AQR: variants seen among roughly 807,000 people sequenced by gnomAD.
The protein encoded by AQR is aquarius intron-binding spliceosomal factor.
Under a neutral mutation model 180.5 loss-of-function variants are expected in AQR, and 61 were observed. The ratio of observed to expected loss-of-function variants is 0.34; its 90% CI spans 0.28 to 0.42. The LOEUF is 0.42. Among genes scored for constraint, AQR ranks in the 10% least tolerant of loss-of-function variants. AQR has a pLI of 1.00. For missense variants in AQR, 1,281 were observed against 1,798.3 expected, an observed-to-expected ratio of 0.71 and a Z score of 5.20; for synonymous variants, 551 against 588.8, an observed-to-expected ratio of 0.94 and a Z score of 0.93.
chr15:34,902,475 G>C (rs1893346249), intron 19 of AQR, among the ~76,000 whole-genome samples: 1 of 152,056 alleles, frequency 6.6e-6, no homozygotes, highest in South Asian at 2.1e-4. Flanking sequence ...TCTTGGATCA[G>C]AAACTAAATG....
chr15:34,907,904 A>G (rs764052400), intron 17 of AQR, among the ~76,000 whole-genome samples: 1 of 152,064 alleles, frequency 6.6e-6, no homozygotes, highest in Non-Finnish European at 1.5e-5. Context: ...AAAACAAACC[A>G]CTTTACTCTG....
chr15:34,946,116 C>G (rs1894108761), intron 5 of AQR, among the ~76,000 whole-genome samples: 1 of 152,008 alleles, frequency 6.6e-6, no homozygotes, highest in Admixed American at 6.5e-5. Context: ...ACTAAAAATA[C>G]AACAATTAGC....
At position 34,920,405 on chromosome 15, in the gene AQR, T is replaced by C; in HGVS notation, c.1148A>G (p.Tyr383Cys). The change falls in exon 14 of 35, where the codon TAC becomes TGC. Residue 383 changes from tyrosine (Y) to cysteine (C), a missense_variant. Physicochemically the swap from Tyr to Cys is radical, Grantham distance 194. This residue lies in a region of AQR where 404 missense variants were observed against 490.9 expected (regional missense o/e 0.82). Transcript: ENST00000156471. ...SSNTLHQVAS[Y>C]LCLLPTLPKN... ...AGGAAGAGTTGGCAACAAGCAGAGG[T>C]ATGATGCCACCTGGTGGAGTGTGTT... The C allele has an allele frequency of 6.2e-7, 1 of 1,613,582 alleles. No homozygotes were observed. Among genetic ancestry groups the C allele is most frequent in the Non-Finnish European group, 8.5e-7 (1 of 1,179,756 alleles).
In AQR at chr15:34,860,114, A is replaced by AT. The variant is rs1250076513; in HGVS notation, c.4070dup (p.Asn1357LysfsTer39). 6.5e-7 allele frequency: 1 copy of AT among 1,528,176 alleles called. No individual in the cohort carries two copies. Among genetic ancestry groups the AT allele is most frequent in the Non-Finnish European group, 8.9e-7 (1 of 1,126,866 alleles). The allele number at this position is 1,528,176 out of a possible 1,614,324, so 94.7% of individuals were successfully genotyped here. A position where few individuals can be genotyped will look rare whatever the true frequency, so the allele number is the denominator to read the frequency against. Reference sequence around the variant, plus strand: ...ATACAAAGTTTGCCATCTGGGGCATATTTTTTATTATTTGTACTTCATGAG... The same window carrying AT: ...ATACAAAGTTTGCCATCTGGGGCATATTTTTTTATTATTTGTACTTCATGAG... On this transcript the variant is annotated frameshift_variant, in exon 34 of 35. Coordinates refer to ENST00000156471, the MANE Select transcript of AQR (RefSeq NM_014691.3). LOFTEE classifies it high-confidence loss of function.
intron 19 of AQR, 148 bp from the exon 20 acceptor site, chr15:34,901,011 C>T (rs1893324738): frequency 2.9e-6 from 3 of 1,023,076 alleles, no homozygotes; most frequent in Non-Finnish European, 4.1e-6. Context: ...AGGTGCTTGG[C>T]TAGACTGAAT....
chr15:34,969,488 G>A, intron 1 of AQR, 51 bp downstream of exon 1: 2 of 1,603,812 alleles, frequency 1.2e-6, no homozygotes, highest in Non-Finnish European at 1.7e-6. Context: ...CCAGGCCTCG[G>A]GGCCACGACG....
chr15:34,967,333 T>C lies in AQR; in HGVS notation c.75+2206A>G, dbSNP rs189831818. ...AGAGAACTTTCCTGACTGTCTTTCA[T>C]ACACCTCAAACCAGTCTGTCACAGC... On this transcript the variant is annotated intron_variant, in intron 1 of 34. Transcript: ENST00000156471. Among the ~76,000 whole-genome samples, 582 of 152,328 alleles carry C rather than the reference T, an allele frequency of 3.8e-3. 3 individuals carry two copies. The highest frequency in any genetic ancestry group is 0.013 in the African/African-American group (555 of 41,560).
At chr15:34,956,696 G>GAAAAAAAAAAAAAAAA (rs565202160) in intron 3 of AQR, among the ~76,000 whole-genome samples, 11 of 83,384 alleles carry the variant, frequency 1.3e-4, no homozygotes, top group Admixed American at 2.9e-4. Flanking sequence ...TAAGAAGTCA[G>GAAAAAAAAAAAAAAAA]AAAAAAAAAA....
chr15:34,957,059 G>T (rs1894330943), intron 3 of AQR, among the ~76,000 whole-genome samples: 1 of 152,204 alleles, frequency 6.6e-6, no homozygotes, highest in South Asian at 2.1e-4. Context: ...TAACATGGCT[G>T]TTACATCAAG....
chr15:34,929,718 C>A (rs188471166), intron 12 of AQR, among the ~76,000 whole-genome samples: 175 of 152,286 alleles, frequency 1.1e-3, no homozygotes, highest in Admixed American at 1.8e-3. Flanking sequence ...ACAAAAGACT[C>A]TTTAAAACAG....
At chr15:34,910,376 A>G in intron 16 of AQR, 63 bp from the exon 17 acceptor site, 1 of 1,541,110 alleles carries the variant, frequency 6.5e-7, no homozygotes, top group East Asian at 2.3e-5. Context: ...CTTTTAGACA[A>G]GTTAAAACTA....
chr15:34,960,490 C>G (rs929952735), intron 3 of AQR, among the ~76,000 whole-genome samples: 21 of 151,172 alleles, frequency 1.4e-4, no homozygotes, highest in Admixed American at 4.0e-4. Flanking sequence ...AAAGGTGAAT[C>G]AGAAATAATA....
chr15:34,961,504 G>A (rs552040952), intron 2 of AQR, among the ~76,000 whole-genome samples: 27 of 151,584 alleles, frequency 1.8e-4, no homozygotes, highest in African/African-American at 3.1e-4. Context: ...CAACTACTTC[G>A]GAGGCTGAGG....
chr15:34,884,478 A>C (rs994544947), intron 26 of AQR, 47 bp downstream of exon 26: 3 of 1,425,938 alleles, frequency 2.1e-6, no homozygotes, highest in African/African-American at 3.0e-5. Flanking sequence ...AACTAAACTA[A>C]ATTAAAAACC....
chr15:34,946,434 G>GGGC (rs1031435738), intron 5 of AQR, among the ~76,000 whole-genome samples: 1 of 147,422 alleles, frequency 6.8e-6, no homozygotes, highest in Non-Finnish European at 1.5e-5. Flanking sequence ...GGGAGGTGGG[G>GGGC]GGGGTCAGCC....
rs1398238473 is a variant in AQR at position 34,904,414 on chromosome 15, A to G, written c.1923T>C (p.Thr641=). 1 of 1,610,712 alleles carries G rather than the reference A, an allele frequency of 6.2e-7. No individual in the cohort carries two copies. Among genetic ancestry groups the G allele is most frequent in the African/African-American group, 1.3e-5 (1 of 74,810 alleles). Reference sequence around the variant, plus strand: ...ACACATCCTCTGCTCCATTTTGTATAGTATTGGTCATATCTTGTTGATACT... The same window carrying G: ...ACACATCCTCTGCTCCATTTTGTATGGTATTGGTCATATCTTGTTGATACT... ...PNQYQQDMTN[T]IQNGAEDVYE... Residue 641 remains threonine (T), a synonymous_variant, in exon 19 of 35, where the codon ACT becomes ACC. Coordinates refer to ENST00000156471, the MANE Select transcript of AQR (RefSeq NM_014691.3).
intron 14 of AQR, 103 bp downstream of exon 14, chr15:34,920,229 A>C (rs765036850): frequency 2.9e-5 from 21 of 726,462 alleles, no homozygotes; most frequent in Middle Eastern, 7.9e-4. Flanking sequence ...TTATCTGCCT[A>C]ATCTTTGGCC....
intron 14 of AQR, 149 bp from the exon 15 acceptor site, chr15:34,918,527 A>C (rs1893632059): frequency 1.1e-6 from 1 of 874,250 alleles, no homozygotes; most frequent in Non-Finnish European, 1.7e-6. Flanking sequence ...CATAGATCAA[A>C]GATGAGAAAC....
chr15:34,916,320 A>T (rs1343431971), intron 15 of AQR, among the ~76,000 whole-genome samples: 1 of 152,094 alleles, frequency 6.6e-6, no homozygotes. Context: ...CATTATTCTC[A>T]CTTAACACTA....
Sources: gnomAD v4.1 joint callset for allele counts (sites outside exome capture counted in the v4.1 genomes callset) on GRCh38, gnomAD v4.1.1 for gene constraint, gnomAD v4.1.1 regional missense constraint, MANE v1.5 for transcripts, NCBI Gene and HGNC (gene_info 2026-07-23, HGNC 2026-07-21) for gene names.